CABCOCO1: variants seen among roughly 807,000 people sequenced by gnomAD.
CABCOCO1 encodes ciliary associated calcium binding coiled-coil 1.
Under a neutral mutation model 35.7 loss-of-function variants are expected in CABCOCO1, and 28 were observed. The ratio of observed to expected loss-of-function variants is 0.78; its 90% CI spans 0.58 to 1.07. The LOEUF (loss-of-function observed/expected upper bound fraction) is 1.07. Among genes scored for constraint, CABCOCO1 ranks in the 50% least tolerant of loss-of-function variants. The pLI is 0.00. For missense variants in CABCOCO1, 326 were observed against 309.2 expected, an observed-to-expected ratio of 1.05 and a Z score of -0.41; for synonymous variants, 95 against 100.1, an observed-to-expected ratio of 0.95 and a Z score of 0.30.
At chr10:61,670,664 G>A (rs1310114220) in intron 1 of CABCOCO1, among the ~76,000 whole-genome samples, 2 of 152,042 alleles carry the variant, frequency 1.3e-5, no homozygotes, top group African/African-American at 4.8e-5. Flanking sequence ...TCAATCGCAT[G>A]GAAGGCTCAA....
In CABCOCO1 at chr10:61,662,968, C is replaced by A. The variant is rs767131134; in HGVS notation, c.-5C>A. On this transcript the variant is annotated 5_prime_UTR_variant, in exon 1 of 8. Coordinates refer to ENST00000648843, the MANE Select transcript of CABCOCO1 (RefSeq NM_001366906.2). ...GGGCCGCTTCTCTCGGCCGAGATTGCGGCGATGTCGCAGGGGACGACTCCC... is the reference window on the plus strand; with the variant it reads ...GGGCCGCTTCTCTCGGCCGAGATTGAGGCGATGTCGCAGGGGACGACTCCC... 8 of 356,750 alleles carry A rather than the reference C, an allele frequency of 2.2e-5. No homozygotes were observed. The Admixed American group carries it at 3.0e-4, about 14-fold the overall frequency. The allele number at this position is 356,750 out of a possible 1,614,324, so 22.1% of individuals were successfully genotyped here. A position where few individuals can be genotyped will look rare whatever the true frequency, so the allele number is the denominator to read the frequency against.
chr10:61,691,191 A>G (rs2131995601), intron 5 of CABCOCO1, among the ~76,000 whole-genome samples: 1 of 152,278 alleles, frequency 6.6e-6, no homozygotes, highest in East Asian at 1.9e-4. Context: ...AAGCATATCA[A>G]TATTCACTGT....
At chr10:61,682,880 C>T (rs1839837709) in intron 3 of CABCOCO1, among the ~76,000 whole-genome samples, 1 of 107,118 alleles carries the variant, frequency 9.3e-6, no homozygotes, top group Non-Finnish European at 2.0e-5. Context: ...GTTAGTTTCA[C>T]ATGAATTTCT....
intron 5 of CABCOCO1, among the ~76,000 whole-genome samples, chr10:61,722,797 A>G (rs963599741): frequency 4.6e-5 from 7 of 152,112 alleles, no homozygotes; most frequent in Admixed American, 6.6e-5. Flanking sequence ...AGATCACCGC[A>G]GAGAAATGTG....
At chr10:61,696,488 A>C (rs908473946) in intron 5 of CABCOCO1, among the ~76,000 whole-genome samples, 2 of 151,980 alleles carry the variant, frequency 1.3e-5, no homozygotes, top group African/African-American at 4.8e-5. Flanking sequence ...TTAACATATG[A>C]AGGTCAATTC....
At chr10:61,741,141 T>A (rs1199656856) in intron 5 of CABCOCO1, among the ~76,000 whole-genome samples, 1 of 151,522 alleles carries the variant, frequency 6.6e-6, no homozygotes, top group East Asian at 1.9e-4. Context: ...TGAGACTCTA[T>A]CTCAAAGAAA....
intron 5 of CABCOCO1, among the ~76,000 whole-genome samples, chr10:61,717,817 T>A (rs1420633319): frequency 6.6e-6 from 1 of 152,044 alleles, no homozygotes; most frequent in Non-Finnish European, 1.5e-5. Flanking sequence ...AGGGCAGAAT[T>A]TAGAAAGGTT....
intron 5 of CABCOCO1, among the ~76,000 whole-genome samples, chr10:61,716,483 C>G (rs1033149299): frequency 6.6e-6 from 1 of 152,024 alleles, no homozygotes; most frequent in African/African-American, 2.4e-5. Context: ...TCACATCTTC[C>G]CACCTCTTTC....
chr10:61,688,835 G>A (rs1840045516), intron 4 of CABCOCO1, among the ~76,000 whole-genome samples: 1 of 152,158 alleles, frequency 6.6e-6, no homozygotes, highest in Admixed American at 6.6e-5. Context: ...TCAGTCAGAA[G>A]CAGAAGAAAA....
At chr10:61,757,401 T>C (rs1356887214) in intron 5 of CABCOCO1, among the ~76,000 whole-genome samples, 2 of 152,034 alleles carry the variant, frequency 1.3e-5, no homozygotes, top group Non-Finnish European at 2.9e-5. Context: ...TTGCAGTATC[T>C]CACTAACACA....
At chr10:61,693,481 T>C (rs1356931017) in intron 5 of CABCOCO1, among the ~76,000 whole-genome samples, 3 of 152,082 alleles carry the variant, frequency 2.0e-5, no homozygotes, top group Admixed American at 1.3e-4. Flanking sequence ...TGTGGATAGA[T>C]GAGAAAAAAA....
intron 5 of CABCOCO1, among the ~76,000 whole-genome samples, chr10:61,737,058 T>C (rs1001555983): frequency 2.0e-5 from 3 of 152,018 alleles, no homozygotes; most frequent in African/African-American, 7.3e-5. Context: ...GACTATGGGG[T>C]TTTATAGATA....
intron 6 of CABCOCO1, 35 bp downstream of exon 6, chr10:61,760,216 TC>T (rs1841981072): frequency 6.3e-7 from 1 of 1,598,598 alleles, no homozygotes; most frequent in Non-Finnish European, 8.6e-7. Context: ...TCACCCTACC[TC>T]ATCATTATAT....
intron 2 of CABCOCO1, among the ~76,000 whole-genome samples, chr10:61,675,573 T>C (rs924712299): frequency 6.6e-5 from 10 of 152,168 alleles, no homozygotes; most frequent in Non-Finnish European, 1.5e-4. Flanking sequence ...AAAGAACATA[T>C]GCAAATATTC....
At chr10:61,742,709 T>A (rs974049914) in intron 5 of CABCOCO1, among the ~76,000 whole-genome samples, 1 of 152,216 alleles carries the variant, frequency 6.6e-6, no homozygotes, top group Admixed American at 6.5e-5. Flanking sequence ...TAGCACTCAA[T>A]AAATGGTAGG....
At position 61,766,235 on chromosome 10, in the gene CABCOCO1, C is replaced by G. The variant is rs1842107421; in HGVS notation, c.*222C>G. On this transcript the variant is annotated 3_prime_UTR_variant, in exon 8 of 8. Transcript: ENST00000648843. ...TTTATTGCACCAAGTGTAATGAGAA[C>G]ATTTTGTATACAAGAGTTTGAAAAA... 3 of 377,094 alleles carry G rather than the reference C, an allele frequency of 8.0e-6. No individual in the cohort carries two copies. The highest frequency in any genetic ancestry group is 1.4e-5 in the Non-Finnish European group (3 of 207,540). 23.4% of individuals were successfully genotyped at this position (377,094 alleles called of 1,614,324 possible).
intron 7 of CABCOCO1, among the ~76,000 whole-genome samples, chr10:61,764,827 C>T (rs989293962): frequency 6.6e-6 from 1 of 152,008 alleles, no homozygotes; most frequent in Admixed American, 6.6e-5. Flanking sequence ...ATTGTTGGCA[C>T]ACATACGATC....
chr10:61,711,313 C>A (rs1201210699), intron 5 of CABCOCO1, among the ~76,000 whole-genome samples: 1 of 151,896 alleles, frequency 6.6e-6, no homozygotes, highest in East Asian at 1.9e-4. Flanking sequence ...ACCACGTTAA[C>A]AGCAATCATA....
At chr10:61,671,766 T>A (rs1484157790) in intron 1 of CABCOCO1, among the ~76,000 whole-genome samples, 1 of 152,190 alleles carries the variant, frequency 6.6e-6, no homozygotes, top group African/African-American at 2.4e-5. Flanking sequence ...TCCAGTAGAT[T>A]ACCCTTCCTT....
Sources: gnomAD v4.1 joint callset for allele counts (sites outside exome capture counted in the v4.1 genomes callset) on GRCh38, gnomAD v4.1.1 for gene constraint, MANE v1.5 for transcripts, NCBI Gene and HGNC (gene_info 2026-07-23, HGNC 2026-07-21) for gene names.